TENM2: variants seen among roughly 807,000 people sequenced by gnomAD.
The protein encoded by TENM2 is teneurin transmembrane protein 2.
Under a neutral mutation model 245.2 loss-of-function variants are expected in TENM2, and 52 were observed. The observed-to-expected ratio is 0.21, with a 90% CI of 0.17 to 0.27. TENM2 has a LOEUF of 0.27. TENM2 is among the 10% of genes least tolerant of loss of function. The pLI is 1.00. For synonymous variants in TENM2, 1,363 were observed against 1,438.9 expected, an observed-to-expected ratio of 0.95 and a Z score of 1.19; for missense variants, 3,046 against 3,666.8, an observed-to-expected ratio of 0.83 and a Z score of 4.37.
chr5:167,103,835 T>C, the TENM2 span, among the ~76,000 whole-genome samples: 10 of 151,088 alleles, frequency 6.6e-5, no homozygotes, highest in Non-Finnish European at 1.3e-4. Flanking sequence ...CTTCACACAA[T>C]AGCAATACTG....
the TENM2 span, among the ~76,000 whole-genome samples, chr5:167,240,809 C>T: frequency 2.0e-5 from 3 of 152,284 alleles, no homozygotes; most frequent in East Asian, 5.8e-4. Flanking sequence ...AGAAAAATTT[C>T]CCGAATGTCT....
At chr5:167,853,066 C>T (rs1770730273) in intron 2 of TENM2, among the ~76,000 whole-genome samples, 1 of 151,454 alleles carries the variant, frequency 6.6e-6, no homozygotes, top group Admixed American at 6.6e-5. Context: ...GCGGGCGCAT[C>T]AGGAGGACAG....
At chr5:167,599,491 C>G (rs1425055618) in intron 2 of TENM2, among the ~76,000 whole-genome samples, 1 of 152,148 alleles carries the variant, frequency 6.6e-6, no homozygotes, top group African/African-American at 2.4e-5. Context: ...GAAGAATTTT[C>G]TATGGATCAG....
the TENM2 span, among the ~76,000 whole-genome samples, chr5:167,140,674 C>T: frequency 2.0e-5 from 3 of 152,006 alleles, no homozygotes; most frequent in Non-Finnish European, 2.9e-5. Flanking sequence ...TAGGGGTGAG[C>T]GCAATACACT....
intron 13 of TENM2, chr5:168,186,730 C>G (rs139019025): frequency 1.2e-3 from 177 of 152,338 alleles, no homozygotes; most frequent in African/African-American, 4.2e-3. Context: ...GAGGGCCAGG[C>G]CGCTTTCCCT....
chr5:167,938,942 C>CA (rs57042901), intron 3 of TENM2, among the ~76,000 whole-genome samples: 4,777 of 104,986 alleles, frequency 0.046, 122 homozygotes, highest in Non-Finnish European at 0.069. Flanking sequence ...GACTCCGTCT[C>CA]AAAAAAAAAA....
intron 2 of TENM2, among the ~76,000 whole-genome samples, chr5:167,397,627 C>T (rs1762130771): frequency 1.3e-5 from 2 of 152,112 alleles, no homozygotes; most frequent in Non-Finnish European, 2.9e-5. Flanking sequence ...ATTGAGAGAA[C>T]CATGGGAAGG....
chr5:167,987,351 G>C (rs533213552), intron 4 of TENM2, among the ~76,000 whole-genome samples: 19 of 150,602 alleles, frequency 1.3e-4, no homozygotes, highest in African/African-American at 4.6e-4. Flanking sequence ...TTTTTAGTTG[G>C]AGTTTCCTTC....
At chr5:167,349,511 A>C (rs1758686531) in intron 1 of TENM2, among the ~76,000 whole-genome samples, 1 of 152,172 alleles carries the variant, frequency 6.6e-6, no homozygotes, top group Admixed American at 6.5e-5. Flanking sequence ...GATTACTCAA[A>C]AATTATTCTT....
At chr5:167,420,810 A>C (rs2127422843) in intron 2 of TENM2, among the ~76,000 whole-genome samples, 1 of 152,304 alleles carries the variant, frequency 6.6e-6, no homozygotes, top group East Asian at 1.9e-4. Context: ...CTACTGGAAT[A>C]TTAGTTCCAG....
At chr5:167,131,435 C>A in the TENM2 span, among the ~76,000 whole-genome samples, 1 of 152,216 alleles carries the variant, frequency 6.6e-6, no homozygotes, top group African/African-American at 2.4e-5. Flanking sequence ...GTGTCCTAAT[C>A]CCTTTGATGG....
chr5:167,844,610 G>T (rs1769858007), intron 2 of TENM2, among the ~76,000 whole-genome samples: 1 of 152,140 alleles, frequency 6.6e-6, no homozygotes, highest in African/African-American at 2.4e-5. Flanking sequence ...GGACAAAAGG[G>T]GAAGTGGTGC....
intron 2 of TENM2, among the ~76,000 whole-genome samples, chr5:167,592,219 G>T (rs1432871423): frequency 6.6e-6 from 1 of 152,194 alleles, no homozygotes; most frequent in Non-Finnish European, 1.5e-5. Flanking sequence ...CCCTCTTATG[G>T]AATGTGATTT....
chr5:167,876,620 G>T (rs1773448907), intron 3 of TENM2, among the ~76,000 whole-genome samples: 1 of 152,082 alleles, frequency 6.6e-6, no homozygotes, highest in African/African-American at 2.4e-5. Flanking sequence ...TTGTTTGTTT[G>T]TTTGTTTGTT....
the TENM2 span, among the ~76,000 whole-genome samples, chr5:167,204,160 G>GAAA: frequency 2.1e-5 from 3 of 145,576 alleles, no homozygotes; most frequent in Non-Finnish European, 3.0e-5. Flanking sequence ...GCCTTAGAAG[G>GAAA]AAAAAAAAAA....
rs191168178 is a variant in TENM2, at chr5:167,945,324, G to C, written c.713-7264G>C. ...AGCAGTGGGCAAATCAAGCACCCGG[G>C]GGGGGCACAGATACGTTACAGTTAA... On this transcript the variant is annotated intron_variant, in intron 3 of 28. Transcript: ENST00000518659. 1.2e-4 allele frequency among the ~76,000 whole-genome samples: 19 copies of C among 152,180 alleles called. No homozygotes were observed. In the South Asian group the frequency reaches 2.1e-3, roughly 17 times the overall value.
intron 1 of TENM2, among the ~76,000 whole-genome samples, chr5:167,296,905 A>C (rs1754977908): frequency 1.3e-5 from 2 of 152,206 alleles, no homozygotes; most frequent in Admixed American, 6.5e-5. Flanking sequence ...GACTGTGGCC[A>C]CAGTCCATGT....
chr5:168,030,168 T>TTTTTTTTTTTTTTTTTTTTC (rs1787002061), intron 5 of TENM2, among the ~76,000 whole-genome samples: 25 of 84,700 alleles, frequency 3.0e-4, no homozygotes, highest in East Asian at 4.1e-4. Flanking sequence ...CTTTTTTTTT[T>TTTTTTTTTTTTTTTTTTTTC]TTTTTTTTTT....
intron 25 of TENM2, among the ~76,000 whole-genome samples, chr5:168,243,589 A>G (rs1419354099): frequency 6.6e-6 from 1 of 152,228 alleles, no homozygotes; most frequent in Non-Finnish European, 1.5e-5. Flanking sequence ...ATAAGAAATT[A>G]TGGCACCTGT....
Sources: gnomAD v4.1 joint callset for allele counts (sites outside exome capture counted in the v4.1 genomes callset) on GRCh38, gnomAD v4.1.1 for gene constraint, MANE v1.5 for transcripts, NCBI Gene and HGNC (gene_info 2026-07-23, HGNC 2026-07-21) for gene names.